Variants in WDR41 observed in about 807,000 individuals in gnomAD.
The protein encoded by WDR41 is WD repeat domain 41.
WDR41 carries 63 observed loss-of-function variants against 69.3 expected under a neutral mutation model. That is an observed-to-expected ratio of 0.91 (90% CI 0.74 to 1.12). The LOEUF (loss-of-function observed/expected upper bound fraction) is 1.12, where lower values mean the gene tolerates loss of function less well. Among genes scored for constraint, WDR41 ranks in the 50% most tolerant of loss-of-function variants. The probability of loss-of-function intolerance (pLI) is 0.00; values close to 1 mark genes in which losing one functional copy is unlikely to be tolerated. For synonymous variants in WDR41, 185 were observed against 192.1 expected (o/e 0.96, Z 0.31); for missense variants, 543 against 534.5 (o/e 1.02, Z -0.16).
At chr5:77,468,761 C>T (rs574617202) in intron 2 of WDR41, among the ~76,000 whole-genome samples, 1 of 152,298 alleles carries the variant, frequency 6.6e-6, no homozygotes. Context: ...CAGTGGTTAA[C>T]TTTCCACCTA....
At chr5:77,481,717 G>C (rs1022345526) in intron 2 of WDR41, among the ~76,000 whole-genome samples, 1 of 149,278 alleles carries the variant, frequency 6.7e-6, no homozygotes, top group African/African-American at 2.5e-5. Context: ...CCTGGGAAGC[G>C]GTGGTTGGAG....
intron 8 of WDR41, among the ~76,000 whole-genome samples, chr5:77,449,559 C>T (rs1373570121): frequency 6.6e-6 from 1 of 152,180 alleles, no homozygotes; most frequent in African/African-American, 2.4e-5. Flanking sequence ...ACACTATTTT[C>T]CTTGTCCCTA....
chr5:77,434,192 T>A (rs1179462514), intron 12 of WDR41, among the ~76,000 whole-genome samples: 1 of 151,860 alleles, frequency 6.6e-6, no homozygotes, highest in Non-Finnish European at 1.5e-5. Flanking sequence ...GTATCTGTAA[T>A]CCCAGCTACT....
chr5:77,461,690 T>C (rs1800070291), intron 4 of WDR41, among the ~76,000 whole-genome samples: 1 of 151,966 alleles, frequency 6.6e-6, no homozygotes, highest in African/African-American at 2.4e-5. Context: ...ACAAAAAAAT[T>C]AGCCGGACGT....
At chr5:77,507,021 A>G (rs1802119310) in intron 1 of WDR41, among the ~76,000 whole-genome samples, 1 of 152,198 alleles carries the variant, frequency 6.6e-6, no homozygotes, top group African/African-American at 2.4e-5. Context: ...TGTACCCTAG[A>G]ACTTAAAGTA....
chr5:77,439,199 G>A (rs1045600161), intron 9 of WDR41, among the ~76,000 whole-genome samples: 1 of 152,248 alleles, frequency 6.6e-6, no homozygotes, highest in Admixed American at 6.5e-5. Flanking sequence ...TTACTCAATA[G>A]ATATCCCCAT....
chr5:77,584,356 A>G (rs1251139886), intron 1 of WDR41, among the ~76,000 whole-genome samples: 1 of 152,198 alleles, frequency 6.6e-6, no homozygotes, highest in Non-Finnish European at 1.5e-5. Flanking sequence ...GATACACTAA[A>G]AAACTATTAA....
At chr5:77,609,921 C>T (rs1285931596) in intron 1 of WDR41, among the ~76,000 whole-genome samples, 5 of 148,854 alleles carry the variant, frequency 3.4e-5, no homozygotes, top group African/African-American at 4.9e-5. Context: ...AAAATTTAGA[C>T]GAATGTATAA....
chr5:77,527,112 A>G (rs1287797301), intron 1 of WDR41, among the ~76,000 whole-genome samples: 1 of 152,022 alleles, frequency 6.6e-6, no homozygotes, highest in African/African-American at 2.4e-5. Context: ...AGTAAAAGCC[A>G]AATTCCAAGA....
intron 8 of WDR41, among the ~76,000 whole-genome samples, chr5:77,441,589 A>G (rs531600829): frequency 2.2e-4 from 33 of 152,198 alleles, no homozygotes; most frequent in Non-Finnish European, 4.0e-4. Context: ...AAATACAAAA[A>G]TTAGCCGGGC....
chr5:77,615,687 C>A (rs1231009900), intron 1 of WDR41, among the ~76,000 whole-genome samples: 1,528 of 78,450 alleles, frequency 0.019, no homozygotes, highest in Middle Eastern at 0.037. Context: ...TACTGCAAGT[C>A]AAAAAAAAAA....
At chr5:77,488,914 T>A (rs1219800224) in intron 2 of WDR41, among the ~76,000 whole-genome samples, 2 of 152,178 alleles carry the variant, frequency 1.3e-5, no homozygotes, top group African/African-American at 4.8e-5. Flanking sequence ...TCAGTAATAG[T>A]CTACAGTCCT....
chr5:77,502,076 C>A (rs1445599756), intron 1 of WDR41, among the ~76,000 whole-genome samples: 5 of 152,036 alleles, frequency 3.3e-5, no homozygotes, highest in Non-Finnish European at 5.9e-5. Context: ...CTCCTCTGAG[C>A]TAAAGGAGCA....
In WDR41 at chr5:77,586,302, G is replaced by GTATTTATT. The variant is rs34851390; in HGVS notation, c.42+34169_42+34176dup. Among the ~76,000 whole-genome samples, 316 of 150,642 alleles carry GTATTTATT rather than the reference G, an allele frequency of 2.1e-3. 2 individuals are homozygous for GTATTTATT. The highest frequency in any genetic ancestry group is 6.0e-3 in the African/African-American group (245 of 41,084). ...ATTTTGTATTTATTTATTTATTTATGTATTTATTTATTTATTTATTTTGAA... is the reference window on the plus strand; with the variant it reads ...ATTTTGTATTTATTTATTTATTTATGTATTTATTTATTTATTTATTTATTTATTTTGAA... On this transcript the variant is annotated intron_variant, in intron 1 of 5. Transcript: ENST00000509971.
intron 1 of WDR41, among the ~76,000 whole-genome samples, chr5:77,611,051 G>C (rs1028386152): frequency 1.3e-5 from 2 of 152,006 alleles, no homozygotes; most frequent in African/African-American, 4.8e-5. Context: ...GATCAAAAGA[G>C]ACAAACAAGG....
intron 1 of WDR41, among the ~76,000 whole-genome samples, chr5:77,549,538 A>C (rs1345928173): frequency 6.6e-6 from 1 of 152,136 alleles, no homozygotes; most frequent in African/African-American, 2.4e-5. Flanking sequence ...CCCCCAAAAA[A>C]ACAAACCTAG....
Position 77,433,165 on chromosome 5 carries a change from C to T in WDR41, c.1350G>A (p.Glu450=). Residue 450 remains glutamate, a synonymous_variant, in exon 13 of 13, where the codon GAG becomes GAA. Coordinates refer to ENST00000296679, the MANE Select transcript of WDR41 (RefSeq NM_018268.4). ...LRSLRLFQKL[E]ENGDLYLAV is the part of the protein sequence containing the mutation. ...CAGCAAGGTATAAGTCACCATTCTCCTCTAATTTTTGAAATAATCTTAAAC... is the reference window on the plus strand; with the variant it reads ...CAGCAAGGTATAAGTCACCATTCTCTTCTAATTTTTGAAATAATCTTAAAC... 1 of 1,612,934 alleles carries T rather than the reference C, an allele frequency of 6.2e-7. No homozygotes were observed. Among genetic ancestry groups the T allele is most frequent in the African/African-American group, 1.3e-5 (1 of 74,502 alleles).
intron 1 of WDR41, among the ~76,000 whole-genome samples, chr5:77,575,253 G>A (rs1037418044): frequency 3.6e-4 from 55 of 152,272 alleles, no homozygotes; most frequent in African/African-American, 1.3e-3. Context: ...AAAAGAATAA[G>A]CTACGACACT....
At chr5:77,489,604 C>T (rs1251143529) in intron 1 of WDR41, 32 bp from the exon 2 acceptor site, 3 of 1,267,330 alleles carry the variant, frequency 2.4e-6, no homozygotes, top group South Asian at 1.4e-5. Context: ...AAGCAAAAAA[C>T]AAAAGACAAA....
Sources: gnomAD v4.1 joint callset for allele counts (sites outside exome capture counted in the v4.1 genomes callset) on GRCh38, gnomAD v4.1.1 for gene constraint, MANE v1.5 for transcripts, NCBI Gene and HGNC (gene_info 2026-07-23, HGNC 2026-07-21) for gene names.